The following BCAR3 variants were observed in gnomAD, a reference collection of about 807,000 sequenced individuals.
BCAR3 encodes the protein BCAR3 adaptor protein, NSP family member, also known as breast cancer anti-estrogen resistance protein 3.
BCAR3 carries 37 observed loss-of-function variants against 80.1 expected under a neutral mutation model. The ratio of observed to expected loss-of-function variants is 0.46; its 90% CI spans 0.36 to 0.61. The LOEUF is 0.61. Ranked by LOEUF, BCAR3 falls within the 20% of genes least tolerant of loss-of-function variation. BCAR3 has a pLI of 0.00. For missense variants in BCAR3, 978 were observed against 1,068.2 expected (o/e 0.92, Z 1.18); for synonymous variants, 389 against 418.9 (o/e 0.93, Z 0.87).
intron 2 of BCAR3, among the ~76,000 whole-genome samples, chr1:93,833,957 A>G (rs113685815): frequency 0.045 from 6,811 of 152,264 alleles, 337 homozygotes; most frequent in African/African-American, 0.12. Flanking sequence ...CAAAATTTAC[A>G]TTCAGAGATT....
intron 8 of BCAR3, among the ~76,000 whole-genome samples, chr1:93,574,721 G>A (rs941095077): frequency 2.0e-5 from 3 of 152,226 alleles, no homozygotes; most frequent in Non-Finnish European, 4.4e-5. Context: ...AGCTAGTGGA[G>A]CCGGGAGGTC....
At position 93,824,653 on chromosome 1, in the gene BCAR3, T is replaced by C. The variant is rs1216426756; in HGVS notation, c.-63+20914A>G. 3.2e-5 allele frequency among the ~76,000 whole-genome samples: 4 copies of C among 123,658 alleles called. 2 individuals are homozygous for C. The highest frequency in any genetic ancestry group is 7.1e-5 in the Non-Finnish European group (4 of 56,602). 81.1% of individuals were successfully genotyped at this position (123,658 alleles called of 152,430 possible). On this transcript the variant is annotated intron_variant, in intron 2 of 13. Coordinates refer to the BCAR3 transcript ENST00000370244. ...CTTGGCAAAGACCCTCCTCCTTTCTTAGTGGCCCTCTCTTCCTCCTACTCT... is the reference window on the plus strand; with the variant it reads ...CTTGGCAAAGACCCTCCTCCTTTCTCAGTGGCCCTCTCTTCCTCCTACTCT...
At chr1:93,608,702 C>T (rs1674855558) in intron 3 of BCAR3, among the ~76,000 whole-genome samples, 1 of 152,212 alleles carries the variant, frequency 6.6e-6, no homozygotes. Context: ...GGGACACAGG[C>T]TCTGTCAAGC....
At chr1:93,591,790 G>A (rs1674209697) in intron 4 of BCAR3, among the ~76,000 whole-genome samples, 1 of 152,196 alleles carries the variant, frequency 6.6e-6, no homozygotes. Context: ...AAGTGATGGA[G>A]AGTGTGAATA....
At chr1:93,676,396 G>A (rs1571035440) in intron 1 of BCAR3, among the ~76,000 whole-genome samples, 2 of 152,352 alleles carry the variant, frequency 1.3e-5, no homozygotes, top group East Asian at 3.9e-4. Context: ...GGAAAGTACA[G>A]AAGTCCTGGG....
intron 2 of BCAR3, among the ~76,000 whole-genome samples, chr1:93,747,272 G>A (rs1651390788): frequency 6.6e-6 from 1 of 152,106 alleles, no homozygotes; most frequent in Admixed American, 6.5e-5. Context: ...CAAAAGGCAT[G>A]CACTGGTAGG....
chr1:93,719,838 G>C (rs1650331787), intron 2 of BCAR3, among the ~76,000 whole-genome samples: 1 of 152,140 alleles, frequency 6.6e-6, no homozygotes, highest in Non-Finnish European at 1.5e-5. Flanking sequence ...AAGAGGAATT[G>C]GGTCCCTTGA....
At chr1:93,633,753 G>A (rs1201698833) in intron 3 of BCAR3, among the ~76,000 whole-genome samples, 1 of 152,170 alleles carries the variant, frequency 6.6e-6, no homozygotes. Context: ...TCCTGCCTCC[G>A]CCTCCCGAGT....
At position 93,693,807 on chromosome 1, in the gene BCAR3, C is replaced by T. The variant is rs77986629; in HGVS notation, c.-12+12285G>A. Among the ~76,000 whole-genome samples the T allele has an allele frequency of 6.0e-3, 911 of 152,276 alleles. 11 individuals carry two copies. The highest frequency in any genetic ancestry group is 0.02 in the African/African-American group (833 of 41,552). On this transcript the variant is annotated intron_variant, in intron 3 of 13. Transcript: ENST00000370244. ...AGAAACTCGAAAGTAGCTCCAGGGA[C>T]GCTCACCTCTTGTGCTCCTATCCCA...
chr1:93,761,376 C>A (rs1651941415), intron 2 of BCAR3, among the ~76,000 whole-genome samples: 1 of 152,160 alleles, frequency 6.6e-6, no homozygotes, highest in South Asian at 2.1e-4. Context: ...AGCTCCAACC[C>A]TGCTTCTGAA....
upstream of BCAR3, among the ~76,000 whole-genome samples, chr1:93,684,864 G>C (rs1648919099): frequency 6.6e-6 from 1 of 152,104 alleles, no homozygotes; most frequent in Non-Finnish European, 1.5e-5. Context: ...CAAGTAGCTG[G>C]GATTACATGC....
rs1223388228 is a variant in BCAR3 at position 93,619,140 on chromosome 1, G to C, written c.357+23164C>G. Among the ~76,000 whole-genome samples, 5 of 147,258 alleles carry C rather than the reference G, an allele frequency of 3.4e-5. No homozygotes were observed. The South Asian group carries it at 1.1e-3, about 31-fold the overall frequency. On this transcript the variant is annotated intron_variant, in intron 3 of 11. Coordinates refer to ENST00000260502, the MANE Select transcript of BCAR3 (RefSeq NM_003567.4). ...TTTTTTGTATTTTAGTAGACACTTG[G>C]TTTCACCATGTTGGCCAGGATGGGC...
intron 3 of BCAR3, among the ~76,000 whole-genome samples, chr1:93,605,047 T>C (rs1028007044): frequency 4.6e-5 from 7 of 152,178 alleles, no homozygotes; most frequent in Non-Finnish European, 8.8e-5. Flanking sequence ...ACGATGAGAT[T>C]TCCAACAGGC....
At chr1:93,640,635 C>CAAT (rs1675948158) in intron 3 of BCAR3, among the ~76,000 whole-genome samples, 1 of 152,202 alleles carries the variant, frequency 6.6e-6, no homozygotes, top group African/African-American at 2.4e-5. Flanking sequence ...CTGACAACTC[C>CAAT]AATATCTCTT....
At chr1:93,814,324 T>C (rs780339971) in intron 2 of BCAR3, among the ~76,000 whole-genome samples, 9 of 152,254 alleles carry the variant, frequency 5.9e-5, no homozygotes, top group Non-Finnish European at 1.2e-4. Flanking sequence ...GACACTTCAC[T>C]GGTTGTGTGA....
At chr1:93,823,881 GT>G (rs1654300922) in intron 2 of BCAR3, among the ~76,000 whole-genome samples, 1 of 132,868 alleles carries the variant, frequency 7.5e-6, no homozygotes, top group Non-Finnish European at 1.7e-5. Context: ...TACATTTTTA[GT>G]AGAGATGGGG....
chr1:93,730,071 G>A (rs1014574109), intron 2 of BCAR3, among the ~76,000 whole-genome samples: 1 of 152,132 alleles, frequency 6.6e-6, no homozygotes, highest in African/African-American at 2.4e-5. Flanking sequence ...ATTATCATGT[G>A]ATTTTTTTCC....
chr1:93,661,239 A>G (rs1244480119), intron 2 of BCAR3, among the ~76,000 whole-genome samples: 1 of 151,746 alleles, frequency 6.6e-6, no homozygotes, highest in African/African-American at 2.4e-5. Flanking sequence ...GGGTTTCTTC[A>G]TGTTGGTCAG....
At chr1:93,746,062 A>G (rs2100701929) in intron 2 of BCAR3, among the ~76,000 whole-genome samples, 1 of 152,382 alleles carries the variant, frequency 6.6e-6, no homozygotes, top group Middle Eastern at 3.4e-3. Flanking sequence ...ACTTGCACGA[A>G]AAATTCAACA....
Sources: allele counts gnomAD v4.1 joint callset (sites outside exome capture counted in the v4.1 genomes callset), GRCh38; gene constraint gnomAD v4.1.1; transcripts MANE v1.5; gene names NCBI Gene and HGNC (gene_info 2026-07-23, HGNC 2026-07-21).